The following CDH18 variants were observed in gnomAD, a reference collection of about 807,000 sequenced individuals.
CDH18 encodes cadherin-18.
In CDH18, 31 loss-of-function variants were observed where a neutral mutation model predicts 67.9. The ratio of observed to expected loss-of-function variants is 0.46; its 90% CI spans 0.34 to 0.62. CDH18 has a LOEUF of 0.62. Ranked by LOEUF, CDH18 falls within the 20% of genes least tolerant of loss-of-function variation. CDH18 has a pLI of 0.01. For synonymous variants in CDH18, 362 were observed against 347.2 expected (o/e 1.04, Z -0.48); for missense variants, 890 against 975.5 (o/e 0.91, Z 1.17).
intron 10 of CDH18, among the ~76,000 whole-genome samples, chr5:19,519,472 G>C (rs573173804): frequency 1.3e-5 from 2 of 152,138 alleles, no homozygotes; most frequent in African/African-American, 4.8e-5. Context: ...ACTCAGAAAG[G>C]GCATATTTTG....
chr5:19,732,434 AGAGT>A lies in CDH18; in HGVS notation c.524-10972_524-10969del, dbSNP rs577244168. On this transcript the variant is annotated intron_variant, in intron 4 of 12. Transcript: ENST00000382275. ...GCCACTGCACTCCAGTCCACATGAC[AGAGT>A]GAGAGCAGCGGGCTATGATTATGCC... Among the ~76,000 whole-genome samples the A allele has an allele frequency of 5.3e-5, 8 of 152,170 alleles. No homozygotes were observed. In the East Asian group the frequency reaches 1.4e-3, roughly 26 times the overall value.
At chr5:19,942,924 G>C (rs1264922466) in intron 2 of CDH18, among the ~76,000 whole-genome samples, 1 of 152,144 alleles carries the variant, frequency 6.6e-6, no homozygotes, top group Admixed American at 6.6e-5. Flanking sequence ...AGGCCTTGGA[G>C]ATGGGACTGG....
At chr5:20,471,654 T>C (rs1752083340) in intron 1 of CDH18, among the ~76,000 whole-genome samples, 1 of 151,222 alleles carries the variant, frequency 6.6e-6, no homozygotes, top group Admixed American at 6.6e-5. Flanking sequence ...ACAAAAAAAT[T>C]AGCTGGGTAT....
At chr5:19,961,613 T>A (rs78229460) in intron 2 of CDH18, among the ~76,000 whole-genome samples, 19 of 152,142 alleles carry the variant, frequency 1.2e-4, no homozygotes, top group Admixed American at 2.6e-4. Context: ...AGAAAGATAG[T>A]ATCTTATCTT....
At chr5:20,514,460 T>C (rs777968859) in intron 1 of CDH18, among the ~76,000 whole-genome samples, 13 of 152,062 alleles carry the variant, frequency 8.5e-5, no homozygotes, top group Non-Finnish European at 1.6e-4. Flanking sequence ...AGTCACAAAA[T>C]CTCTTCCCTT....
intron 5 of CDH18, among the ~76,000 whole-genome samples, chr5:19,662,077 T>C (rs978369760): frequency 4.5e-4 from 68 of 151,888 alleles, no homozygotes; most frequent in African/African-American, 1.5e-3. Context: ...TGGGTTCTGC[T>C]AAAACACAGC....
At chr5:19,856,562 A>C (rs1367325898) in intron 2 of CDH18, among the ~76,000 whole-genome samples, 1 of 152,194 alleles carries the variant, frequency 6.6e-6, no homozygotes, top group Non-Finnish European at 1.5e-5. Flanking sequence ...CTAAATCTCC[A>C]GTACCTCCGA....
At chr5:20,128,674 A>G (rs1014135187) in intron 2 of CDH18, among the ~76,000 whole-genome samples, 1 of 152,132 alleles carries the variant, frequency 6.6e-6, no homozygotes, top group African/African-American at 2.4e-5. Context: ...ACTTCCAAGA[A>G]CAAAATATGA....
At chr5:20,540,122 T>C (rs191090964) in intron 1 of CDH18, among the ~76,000 whole-genome samples, 12 of 152,312 alleles carry the variant, frequency 7.9e-5, no homozygotes, top group Admixed American at 5.9e-4. Flanking sequence ...TATTATGTGG[T>C]GGACTTCTTA....
At chr5:20,137,946 C>G (rs1749879696) in intron 2 of CDH18, among the ~76,000 whole-genome samples, 1 of 152,092 alleles carries the variant, frequency 6.6e-6, no homozygotes, top group African/African-American at 2.4e-5. Context: ...AAGAGGGAAT[C>G]CTCCCTAACT....
intron 2 of CDH18, among the ~76,000 whole-genome samples, chr5:19,897,624 C>T (rs143942731): frequency 1.2e-3 from 187 of 151,936 alleles, no homozygotes; most frequent in African/African-American, 4.2e-3. Context: ...ACACGTATAC[C>T]TAGAGCAACA....
intron 1 of CDH18, among the ~76,000 whole-genome samples, chr5:20,495,754 AG>A (rs1182138153): frequency 6.6e-6 from 1 of 152,186 alleles, no homozygotes; most frequent in Non-Finnish European, 1.5e-5. Context: ...AAGTGACAAA[AG>A]AGAGACTATG....
intron 2 of CDH18, among the ~76,000 whole-genome samples, chr5:20,096,565 G>A (rs1430362062): frequency 1.3e-5 from 2 of 152,018 alleles, no homozygotes; most frequent in African/African-American, 4.8e-5. Context: ...AAGATATGAG[G>A]AATTAAAAGG....
intron 1 of CDH18, among the ~76,000 whole-genome samples, chr5:20,486,906 G>T (rs73764420): frequency 0.035 from 5,255 of 152,136 alleles, 300 homozygotes; most frequent in African/African-American, 0.12. Flanking sequence ...TTTTGTTGCT[G>T]GGATGTCTCA....
At chr5:20,446,664 C>T (rs1750025695) in intron 1 of CDH18, among the ~76,000 whole-genome samples, 1 of 152,182 alleles carries the variant, frequency 6.6e-6, no homozygotes, top group Non-Finnish European at 1.5e-5. Context: ...TAATTCAAAG[C>T]ACTTTATTTC....
At chr5:19,887,372 A>G (rs974565035) in intron 2 of CDH18, among the ~76,000 whole-genome samples, 1 of 151,936 alleles carries the variant, frequency 6.6e-6, no homozygotes, top group Non-Finnish European at 1.5e-5. Flanking sequence ...TGCGTTTGAT[A>G]TATCTCCTGT....
intron 2 of CDH18, among the ~76,000 whole-genome samples, chr5:20,051,949 C>T (rs915885763): frequency 6.6e-6 from 1 of 151,998 alleles, no homozygotes; most frequent in Non-Finnish European, 1.5e-5. Context: ...ATTTGGGCCC[C>T]CTCTTTCATC....
At chr5:19,650,019 A>T (rs1755350014) in intron 5 of CDH18, among the ~76,000 whole-genome samples, 1 of 152,006 alleles carries the variant, frequency 6.6e-6, no homozygotes, top group South Asian at 2.1e-4. Flanking sequence ...TCAAATTTTA[A>T]AAAATTTTAC....
chr5:20,242,610 A>AT (rs1166808733), intron 2 of CDH18, among the ~76,000 whole-genome samples: 264 of 25,156 alleles, frequency 0.01, 3 homozygotes, highest in East Asian at 0.035. Context: ...AAAAAAAAAA[A>AT]AATATATATA....
Sources: allele counts gnomAD v4.1 joint callset (sites outside exome capture counted in the v4.1 genomes callset), GRCh38; gene constraint gnomAD v4.1.1; transcripts MANE v1.5; gene names NCBI Gene and HGNC (gene_info 2026-07-23, HGNC 2026-07-21).